The following ASIC2 variants were observed in gnomAD, a reference collection of about 807,000 sequenced individuals.
ASIC2 encodes the protein acid-sensing ion channel 2.
A neutral mutation model predicts 57.3 loss-of-function variants in ASIC2; 25 were observed. That is an observed-to-expected ratio of 0.44 (90% CI 0.32 to 0.61). The LOEUF (loss-of-function observed/expected upper bound fraction) is 0.61. ASIC2 is among the 20% of genes least tolerant of loss of function. The pLI is 0.06. For missense variants in ASIC2, 641 were observed against 738.1 expected, an observed-to-expected ratio of 0.87 and a Z score of 1.52; for synonymous variants, 319 against 307.5, an observed-to-expected ratio of 1.04 and a Z score of -0.39.
chr17:33,544,570 C>T (rs1915520934), intron 1 of ASIC2, among the ~76,000 whole-genome samples: 1 of 152,182 alleles, frequency 6.6e-6, no homozygotes, highest in South Asian at 2.1e-4. Context: ...CTACCTCATT[C>T]TGAGCCGGGA....
chr17:33,818,385 C>T (rs909479765), intron 1 of ASIC2, among the ~76,000 whole-genome samples: 8 of 152,264 alleles, frequency 5.3e-5, no homozygotes, highest in Admixed American at 6.5e-5. Flanking sequence ...AGCAACTCTG[C>T]GAAGTAGGTA....
intron 1 of ASIC2, among the ~76,000 whole-genome samples, chr17:33,623,894 A>G (rs1905893510): frequency 6.6e-6 from 1 of 151,956 alleles, no homozygotes; most frequent in African/African-American, 2.4e-5. Context: ...CCACCTTCCC[A>G]TCTGTCACCC....
intron 1 of ASIC2, among the ~76,000 whole-genome samples, chr17:33,245,224 CATAAT>C (rs1190659259): frequency 6.6e-6 from 1 of 152,036 alleles, no homozygotes; most frequent in Non-Finnish European, 1.5e-5. Context: ...TTGAGAAACT[CATAAT>C]GGAATGGAAG....
chr17:33,179,346 A>G (rs1025132112), intron 1 of ASIC2, among the ~76,000 whole-genome samples: 2 of 152,202 alleles, frequency 1.3e-5, no homozygotes, highest in Non-Finnish European at 2.9e-5. Context: ...ATAAATAAAA[A>G]GAGATCCAGA....
intron 3 of ASIC2, among the ~76,000 whole-genome samples, chr17:33,079,088 G>A (rs1004724467): frequency 6.6e-6 from 1 of 152,154 alleles, no homozygotes; most frequent in Non-Finnish European, 1.5e-5. Context: ...ACATGATAAA[G>A]TCCTCTCTCT....
chr17:33,159,861 G>A (rs1905112418), intron 1 of ASIC2, among the ~76,000 whole-genome samples: 2 of 152,148 alleles, frequency 1.3e-5, no homozygotes, highest in South Asian at 2.1e-4. Context: ...CTATATCTGG[G>A]AAAATTTGGT....
At chr17:33,019,110 T>C (rs1440431473) in intron 7 of ASIC2, among the ~76,000 whole-genome samples, 3 of 152,110 alleles carry the variant, frequency 2.0e-5, no homozygotes, top group Non-Finnish European at 4.4e-5. Context: ...TGTGTTCTAA[T>C]GGATATGTAT....
intron 1 of ASIC2, among the ~76,000 whole-genome samples, chr17:33,728,927 A>G (rs960530329): frequency 1.3e-5 from 2 of 152,156 alleles, no homozygotes; most frequent in African/African-American, 4.8e-5. Flanking sequence ...CAGGGTACAC[A>G]TCTGCACCCT....
chr17:33,321,444 A>G lies in ASIC2; in HGVS notation c.556-209377T>C, dbSNP rs548678097. ...ACAGCATTTTTGTGTCAGAACTAAAACAGAAACCAAGCCTCTGTAAAAATA... is the reference window on the plus strand; with the variant it reads ...ACAGCATTTTTGTGTCAGAACTAAAGCAGAAACCAAGCCTCTGTAAAAATA... On this transcript the variant is annotated intron_variant, in intron 1 of 9. Coordinates refer to the ASIC2 transcript ENST00000359872. Among the ~76,000 whole-genome samples, 14 of 152,280 alleles carry G rather than the reference A, an allele frequency of 9.2e-5. No individual in the cohort carries two copies. In the South Asian group the frequency reaches 2.9e-3, roughly 32 times the overall value.
At chr17:33,672,830 G>A (rs954061574) in intron 1 of ASIC2, among the ~76,000 whole-genome samples, 5 of 152,120 alleles carry the variant, frequency 3.3e-5, no homozygotes, top group African/African-American at 1.2e-4. Flanking sequence ...AGAAATGACT[G>A]GAACATACGG....
intron 5 of ASIC2, 114 bp from the exon 6 acceptor site, chr17:33,024,128 G>A (rs1384021475): frequency 1.4e-6 from 2 of 1,400,214 alleles, no homozygotes; most frequent in Non-Finnish European, 2.0e-6. Flanking sequence ...GCACTGGTCT[G>A]GGGAAAGTGA....
At chr17:33,829,810 G>A (rs950829343) in intron 1 of ASIC2, among the ~76,000 whole-genome samples, 1 of 151,962 alleles carries the variant, frequency 6.6e-6, no homozygotes, top group Non-Finnish European at 1.5e-5. Flanking sequence ...TAACCCACCC[G>A]CCTGGGCCTC....
chr17:33,645,263 T>C (rs889918965), intron 1 of ASIC2, among the ~76,000 whole-genome samples: 1 of 152,188 alleles, frequency 6.6e-6, no homozygotes, highest in Non-Finnish European at 1.5e-5. Flanking sequence ...CAGTGCTCCT[T>C]CTACAATACT....
Position 33,849,598 on chromosome 17 carries a change from G to A in ASIC2, c.555+306380C>T, listed in dbSNP as rs142364798. ...ATCATGGAAGCCTTACCCAGGGGGT[G>A]AGACTTGCCAGGGAGGAAGCCTTCC... On this transcript the variant is annotated intron_variant, in intron 1 of 9. Transcript: ENST00000359872. Among the ~76,000 whole-genome samples the A allele has an allele frequency of 2.3e-4, 35 of 152,328 alleles. No individual in the cohort carries two copies. In the East Asian group the frequency reaches 6.0e-3, roughly 26 times the overall value.
Position 33,291,920 on chromosome 17 carries a change from G to A in ASIC2, c.196C>T (p.Leu66=), listed in dbSNP as rs189141198. 3.5e-5 allele frequency: 56 copies of A among 1,582,902 alleles called. No individual in the cohort carries two copies. In the African/African-American group the frequency reaches 7.5e-4, roughly 21 times the overall value. ...GCACACATGTGCCGCAGCCCGTGCAGTTTAGCGCGGCTCAGCGATGGCCGC... is the reference window on the plus strand; with the variant it reads ...GCACACATGTGCCGCAGCCCGTGCAATTTAGCGCGGCTCAGCGATGGCCGC... ...RGRPSLSRAK[L]HGLRHMCAGR... The change falls in exon 1 of 10, where the codon CTG becomes TTG. Residue 66 remains leucine, a synonymous_variant. Transcript: ENST00000225823.
intron 1 of ASIC2, among the ~76,000 whole-genome samples, chr17:33,455,542 A>G (rs1473084102): frequency 6.6e-6 from 1 of 152,260 alleles, no homozygotes; most frequent in Non-Finnish European, 1.5e-5. Context: ...TTATGGCTGC[A>G]TAATATTCCA....
intron 1 of ASIC2, among the ~76,000 whole-genome samples, chr17:33,983,885 A>G (rs1208612011): frequency 6.6e-6 from 1 of 152,142 alleles, no homozygotes; most frequent in Non-Finnish European, 1.5e-5. Context: ...GGATACTCCC[A>G]CCCACAGCAA....
At chr17:33,903,768 A>G (rs1915279544) in intron 1 of ASIC2, among the ~76,000 whole-genome samples, 1 of 152,252 alleles carries the variant, frequency 6.6e-6, no homozygotes, top group Non-Finnish European at 1.5e-5. Flanking sequence ...GGTGAGACTC[A>G]TAGCCAAGGG....
chr17:33,120,913 G>A (rs2092299943), intron 1 of ASIC2, among the ~76,000 whole-genome samples: 1 of 152,178 alleles, frequency 6.6e-6, no homozygotes, highest in Non-Finnish European at 1.5e-5. Flanking sequence ...TTGGGGACCA[G>A]GCAGCCCTGG....
Sources: allele counts gnomAD v4.1 joint callset (sites outside exome capture counted in the v4.1 genomes callset), GRCh38; gene constraint gnomAD v4.1.1; transcripts MANE v1.5; gene names NCBI Gene and HGNC (gene_info 2026-07-23, HGNC 2026-07-21).